Variants in SDK1 observed in about 807,000 individuals in gnomAD.
SDK1 encodes sidekick cell adhesion molecule 1, also known as protein sidekick-1.
In SDK1, 157 loss-of-function variants were observed where a neutral mutation model predicts 245.5. That is an observed-to-expected ratio of 0.64 (90% CI 0.56 to 0.73). SDK1 has a LOEUF of 0.73. Among genes scored for constraint, SDK1 ranks in the 30% least tolerant of loss-of-function variants. The probability of loss-of-function intolerance (pLI) is 0.00; values close to 1 mark genes in which losing one functional copy is unlikely to be tolerated. For synonymous variants in SDK1, 1,647 were observed against 1,278.5 expected (o/e 1.29, Z -6.15); for missense variants, 3,583 against 3,002.3 (o/e 1.19, Z -4.52).
At chr7:3,818,960 G>C (rs1779578349) in intron 4 of SDK1, among the ~76,000 whole-genome samples, 1 of 152,150 alleles carries the variant, frequency 6.6e-6, no homozygotes, top group South Asian at 2.1e-4. Flanking sequence ...GACAAAATCA[G>C]GGCCGCTAAG....
intron 1 of SDK1, among the ~76,000 whole-genome samples, chr7:3,425,367 T>C (rs1200792346): frequency 6.6e-6 from 1 of 152,220 alleles, no homozygotes; most frequent in Non-Finnish European, 1.5e-5. Context: ...TAAGCATAAA[T>C]CTGTGATTGG....
chr7:3,504,356 A>C (rs1456268637), intron 1 of SDK1, among the ~76,000 whole-genome samples: 1 of 152,126 alleles, frequency 6.6e-6, no homozygotes, highest in African/African-American at 2.4e-5. Context: ...AGAATGGCCA[A>C]ACAGTATTGA....
At chr7:4,210,714 GAATC>G (rs1051545311) in intron 38 of SDK1, among the ~76,000 whole-genome samples, 6 of 152,202 alleles carry the variant, frequency 3.9e-5, no homozygotes, top group African/African-American at 1.4e-4. Context: ...CCAGATGCTG[GAATC>G]GAGGACCTGG....
rs150726955 is a variant in SDK1 at position 4,168,340 on chromosome 7, C to T, written c.4801-5882C>T. Reference sequence around the variant, plus strand: ...GCCAAATGTGGCCCCAGCCCGGTGGCTGACGGACACTGTGTCTGTTGGGCA... The same window carrying T: ...GCCAAATGTGGCCCCAGCCCGGTGGTTGACGGACACTGTGTCTGTTGGGCA... On this transcript the variant is annotated intron_variant, in intron 32 of 44. Transcript: ENST00000404826. Among the ~76,000 whole-genome samples, 23 of 152,352 alleles carry T rather than the reference C, an allele frequency of 1.5e-4. No homozygotes were observed. In the East Asian group the frequency reaches 4.4e-3, roughly 29 times the overall value.
intron 4 of SDK1, among the ~76,000 whole-genome samples, chr7:3,660,050 A>G (rs1012576949): frequency 3.9e-5 from 6 of 152,218 alleles, no homozygotes; most frequent in African/African-American, 1.4e-4. Flanking sequence ...TTGTAAACAC[A>G]CGAGTCTTTA....
At chr7:3,528,736 T>A (rs1054263109) in intron 1 of SDK1, among the ~76,000 whole-genome samples, 6 of 152,036 alleles carry the variant, frequency 3.9e-5, no homozygotes, top group African/African-American at 1.5e-4. Flanking sequence ...ATGGATTAGA[T>A]CTGCAGAATG....
intron 42 of SDK1, 31 bp downstream of exon 42, chr7:4,237,815 C>G (rs377546347): frequency 2.5e-6 from 4 of 1,612,332 alleles, no homozygotes; most frequent in Non-Finnish European, 3.4e-6. Context: ...TCGCGTGTCC[C>G]ACGATGCCAC....
intron 1 of SDK1, among the ~76,000 whole-genome samples, chr7:3,578,629 G>C (rs1780381738): frequency 6.6e-6 from 1 of 151,842 alleles, no homozygotes; most frequent in Admixed American, 6.6e-5. Context: ...CACCCCCCAG[G>C]AATGCAATTC....
rs1237232300 is a variant in SDK1 at position 4,139,515 on chromosome 7, ATG to A, written c.4229-6199_4229-6198del. On this transcript the variant is annotated intron_variant, in intron 28 of 44. Coordinates refer to ENST00000404826, the MANE Select transcript of SDK1 (RefSeq NM_152744.4). ...TATATGTGTGTGTGTATATGTATATATGTGTGTGTATGTGTGTGTGTATATAT... is the reference window on the plus strand; with the variant it reads ...TATATGTGTGTGTGTATATGTATATATGTGTGTATGTGTGTGTGTATATAT... 2.4e-4 allele frequency among the ~76,000 whole-genome samples: 6 copies of A among 25,372 alleles called. 1 individual carries two copies. The highest frequency in any genetic ancestry group is 8.8e-4 in the Admixed American group (2 of 2,270). 16.6% of individuals were successfully genotyped at this position (25,372 alleles called of 152,430 possible).
At chr7:4,002,477 G>A (rs1161799890) in intron 14 of SDK1, among the ~76,000 whole-genome samples, 1 of 152,080 alleles carries the variant, frequency 6.6e-6, no homozygotes, top group Non-Finnish European at 1.5e-5. Context: ...GATACAGGTC[G>A]GAGTCTCCAA....
chr7:3,494,663 T>C (rs1361716118), intron 1 of SDK1, among the ~76,000 whole-genome samples: 3 of 152,232 alleles, frequency 2.0e-5, no homozygotes, highest in Non-Finnish European at 4.4e-5. Flanking sequence ...CAATTATGTT[T>C]TATATACTCT....
intron 2 of SDK1, among the ~76,000 whole-genome samples, chr7:3,623,778 G>A (rs935113279): frequency 1.1e-4 from 16 of 151,982 alleles, no homozygotes; most frequent in Admixed American, 1.3e-4. Context: ...TTAATGCTAG[G>A]CACAATATTT....
chr7:4,114,647 G>A (rs1186706258), intron 25 of SDK1, among the ~76,000 whole-genome samples: 4 of 152,204 alleles, frequency 2.6e-5, no homozygotes, highest in Non-Finnish European at 2.9e-5. Context: ...AGTATGTTAA[G>A]TAATCTAGCC....
chr7:4,139,252 C>T lies in SDK1; in HGVS notation c.4229-6470C>T, dbSNP rs113295011. 4.7e-3 allele frequency among the ~76,000 whole-genome samples: 714 copies of T among 152,194 alleles called. 7 individuals carry two copies. The highest frequency in any genetic ancestry group is 0.016 in the African/African-American group (683 of 41,532). On this transcript the variant is annotated intron_variant, in intron 28 of 44. Transcript: ENST00000404826. ...TCCAGTCCTGGCCTCAAGGTCTGTTCGTGGGGCACCCACCCTAGGGCCAAA... is the reference window on the plus strand; with the variant it reads ...TCCAGTCCTGGCCTCAAGGTCTGTTTGTGGGGCACCCACCCTAGGGCCAAA...
intron 3 of SDK1, among the ~76,000 whole-genome samples, chr7:3,640,758 A>G (rs1583259523): frequency 6.6e-6 from 1 of 151,666 alleles, no homozygotes; most frequent in South Asian, 2.1e-4. Flanking sequence ...ATCTTGACTC[A>G]CCGCAACCTC....
intron 4 of SDK1, among the ~76,000 whole-genome samples, chr7:3,733,395 G>A (rs1427939571): frequency 2.0e-5 from 3 of 152,176 alleles, no homozygotes; most frequent in African/African-American, 7.2e-5. Context: ...ATGAGTTAGT[G>A]TGCATGATTG....
In SDK1 at chr7:4,013,433, G is replaced by A. The variant is rs142669364; in HGVS notation, c.2420+1198G>A. Among the ~76,000 whole-genome samples the A allele has an allele frequency of 7.7e-4, 117 of 152,312 alleles. 1 individual carries two copies. The highest frequency in any genetic ancestry group is 1.2e-3 in the South Asian group (6 of 4,828). ...ATTGGGACAAGAACAGTGGGTATCC[G>A]CTTATTCCCTTCCTGGGCTCGTTCC... On this transcript the variant is annotated intron_variant, in intron 16 of 44. Coordinates refer to ENST00000404826, the MANE Select transcript of SDK1 (RefSeq NM_152744.4).
intron 5 of SDK1, among the ~76,000 whole-genome samples, chr7:3,861,446 G>T (rs1780690151): frequency 6.6e-6 from 1 of 152,110 alleles, no homozygotes; most frequent in African/African-American, 2.4e-5. Context: ...GCATTTTTGG[G>T]CTTGGGGAGT....
chr7:3,922,438 G>A (rs1352951537), intron 5 of SDK1, among the ~76,000 whole-genome samples: 3 of 152,224 alleles, frequency 2.0e-5, no homozygotes, highest in Non-Finnish European at 4.4e-5. Context: ...GTCAGGGCTG[G>A]TCGTGAGATG....
Sources: gnomAD v4.1 joint callset for allele counts (sites outside exome capture counted in the v4.1 genomes callset) on GRCh38, gnomAD v4.1.1 for gene constraint, MANE v1.5 for transcripts, NCBI Gene and HGNC (gene_info 2026-07-23, HGNC 2026-07-21) for gene names.